The following WWP2 variants were observed in gnomAD, a reference collection of about 807,000 sequenced individuals.
WWP2 encodes the protein WW domain containing E3 ubiquitin protein ligase 2, also known as NEDD4-like E3 ubiquitin-protein ligase WWP2.
A neutral mutation model predicts 121.0 loss-of-function variants in WWP2; 57 were observed. The ratio of observed to expected loss-of-function variants is 0.47; its 90% confidence interval spans 0.38 to 0.59. The LOEUF (loss-of-function observed/expected upper bound fraction) is 0.59, where lower values mean the gene tolerates loss of function less well. Ranked by LOEUF, WWP2 falls within the 20% of genes least tolerant of loss-of-function variation. The probability of loss-of-function intolerance (pLI) is 0.00; values close to 1 mark genes in which losing one functional copy is unlikely to be tolerated. For missense variants in WWP2, 962 were observed against 1,158.9 expected (o/e 0.83, Z 2.47); for synonymous variants, 449 against 441.3 (o/e 1.02, Z -0.22).
chr16:69,781,041 G>T (rs1159921654), intron 1 of WWP2, among the ~76,000 whole-genome samples: 1 of 151,902 alleles, frequency 6.6e-6, no homozygotes, highest in African/African-American at 2.4e-5. Context: ...AAAACAGGTT[G>T]GTCCTGTGGT....
At chr16:69,770,853 CTGGGCGTGG>C in intron 1 of WWP2, among the ~76,000 whole-genome samples, 1 of 151,834 alleles carries the variant, frequency 6.6e-6, no homozygotes, top group East Asian at 1.9e-4. Context: ...TTCTGTGGGG[CTGGGCGTGG>C]TGGCTCACAC....
chr16:69,804,568 T>G (rs2056236988), intron 4 of WWP2, among the ~76,000 whole-genome samples: 2 of 152,252 alleles, frequency 1.3e-5, no homozygotes, highest in African/African-American at 4.8e-5. Flanking sequence ...CAAATCACTC[T>G]GTCTATGCTA....
chr16:69,790,442 G>A (rs1390329861), intron 2 of WWP2, among the ~76,000 whole-genome samples: 1 of 152,134 alleles, frequency 6.6e-6, no homozygotes, highest in African/African-American at 2.4e-5. Context: ...GAGTAGCTGA[G>A]GAGGAGGAGG....
intron 1 of WWP2, among the ~76,000 whole-genome samples, chr16:69,776,000 C>G (rs1394710483): frequency 6.6e-6 from 1 of 152,114 alleles, no homozygotes; most frequent in Non-Finnish European, 1.5e-5. Flanking sequence ...CCTAAAAACT[C>G]CTTCTTAAAT....
chr16:69,937,284 C>G lies in WWP2; in HGVS notation c.2238+46C>G. On this transcript the variant is annotated intron_variant, in intron 20 of 23. Transcript: ENST00000359154. This position sits in a 1 kb window ranked among gnomAD's most constrained non-coding sequence, Gnocchi z 6.6. ...GGACCCTGAGCCCCTGCCTCTGGGG[C>G]GATCCTGCTCTGTGATACGCTCACT... 6.2e-7 allele frequency: 1 copy of G among 1,605,584 alleles called. No homozygotes were observed. The highest frequency in any genetic ancestry group is 8.5e-7 in the Non-Finnish European group (1 of 1,176,246).
At chr16:69,801,526 C>T (rs986861175) in intron 4 of WWP2, among the ~76,000 whole-genome samples, 10 of 151,780 alleles carry the variant, frequency 6.6e-5, no homozygotes, top group Non-Finnish European at 1.2e-4. Context: ...CGAGCCACTG[C>T]GTCTGGCCAA....
intron 4 of WWP2, among the ~76,000 whole-genome samples, chr16:69,813,978 G>C (rs1162220431): frequency 1.3e-5 from 2 of 152,196 alleles, no homozygotes; most frequent in Admixed American, 1.3e-4. Flanking sequence ...AGCTAACCCA[G>C]TGGTTTTTGA....
At position 69,799,009 on chromosome 16, in the gene WWP2, T is replaced by A; in HGVS notation, c.219-165T>A. 1.5e-6 allele frequency: 2 copies of A among 1,326,570 alleles called. No individual in the cohort carries two copies. The highest frequency in any genetic ancestry group is 2.1e-6 in the Non-Finnish European group (2 of 975,112). 82.2% of individuals were successfully genotyped at this position (1,326,570 alleles called of 1,614,324 possible). A position where few individuals can be genotyped will look rare whatever the true frequency, so the allele number is the denominator to read the frequency against. Reference sequence around the variant, plus strand: ...TGAGCTCATAGAGCGTTCATTATTATCTAGAGGGTTACAGGGTCAGCTTTG... The same window carrying A: ...TGAGCTCATAGAGCGTTCATTATTAACTAGAGGGTTACAGGGTCAGCTTTG... On this transcript the variant is annotated intron_variant, in intron 3 of 23. Coordinates refer to ENST00000359154, the MANE Select transcript of WWP2 (RefSeq NM_001270454.2). The surrounding 1 kb of genome is among the most constrained non-coding windows in gnomAD (Gnocchi z 4.5).
intron 9 of WWP2, among the ~76,000 whole-genome samples, chr16:69,917,180 T>C (rs1267174199): frequency 1.3e-5 from 2 of 152,258 alleles, no homozygotes; most frequent in Admixed American, 1.3e-4. Flanking sequence ...ATTCTAGATA[T>C]CAATCCTGAT....
chr16:69,866,267 A>G (rs1387688457), intron 6 of WWP2, among the ~76,000 whole-genome samples: 1 of 144,052 alleles, frequency 6.9e-6, no homozygotes. Context: ...AAAAGGTTTC[A>G]CATTTTATTT....
intron 6 of WWP2, among the ~76,000 whole-genome samples, chr16:69,862,083 G>A (rs1221485726): frequency 6.6e-6 from 1 of 152,138 alleles, no homozygotes; most frequent in Non-Finnish European, 1.5e-5. Flanking sequence ...TGTTTGTTTT[G>A]AGACAGACTT....
chr16:69,815,016 T>G (rs2056462745), intron 4 of WWP2, among the ~76,000 whole-genome samples: 2 of 152,244 alleles, frequency 1.3e-5, no homozygotes, highest in Admixed American at 6.5e-5. Context: ...TTTTATTTTT[T>G]TGAGATGGAG....
At chr16:69,842,245 T>C in intron 6 of WWP2, 125 bp downstream of exon 6, 1 of 903,144 alleles carries the variant, frequency 1.1e-6, no homozygotes, top group Non-Finnish European at 1.7e-6. Flanking sequence ...ATCTTGTAAC[T>C]GACTCAGTAG....
At chr16:69,889,325 CAAAAATAAAAATTAAATCT>C (rs2151940013) in intron 8 of WWP2, among the ~76,000 whole-genome samples, 1 of 152,184 alleles carries the variant, frequency 6.6e-6, no homozygotes, top group African/African-American at 2.4e-5. Context: ...ACCCCTGTCT[CAAAAATAAAAATTAAATCT>C]GACAGCAAAG....
chr16:69,912,369 TCACACACACACACACACACACA>T (rs3051446), intron 9 of WWP2, among the ~76,000 whole-genome samples: 2 of 140,196 alleles, frequency 1.4e-5, no homozygotes, highest in Non-Finnish European at 3.1e-5. Flanking sequence ...GGAGTTAGAT[TCACACACACACACACACACACA>T]CACACACACA....
rs35485826 is a variant in WWP2, at chr16:69,899,726, CAAA to C, written c.915-9012_915-9010del. On this transcript the variant is annotated intron_variant, in intron 8 of 23. Coordinates refer to ENST00000359154, the MANE Select transcript of WWP2 (RefSeq NM_001270454.2). ...TGGGTGACAGAGTGAGACTCCGTCT[CAAA>C]AAAAAAAAAAAAAAAAAAAAAATCA... 8.7e-3 allele frequency among the ~76,000 whole-genome samples: 562 copies of C among 64,682 alleles called. 1 individual carries two copies. Among genetic ancestry groups the C allele is most frequent in the African/African-American group, 0.029 (531 of 18,494 alleles). The allele number at this position is 64,682 out of a possible 152,430, so 42.4% of individuals were successfully genotyped here.
rs549857296 is a variant in WWP2 at position 69,935,570 on chromosome 16, C to T, written c.1843-283C>T. 7.9e-5 allele frequency among the ~76,000 whole-genome samples: 12 copies of T among 152,340 alleles called. No homozygotes were observed. The highest frequency in any genetic ancestry group is 1.9e-4 in the African/African-American group (8 of 41,586). On this transcript the variant is annotated intron_variant, in intron 17 of 23. Coordinates refer to ENST00000359154, the MANE Select transcript of WWP2 (RefSeq NM_001270454.2). This position sits in a 1 kb window ranked among gnomAD's most constrained non-coding sequence, Gnocchi z 5.2. The stretch of plus-strand genomic sequence containing the variant: ...GGCCAGGAGCCAGCCGGCCAGCGTG[C>T]GGGGCAGATGCGGGCCCGGACGTGG...
intron 1 of WWP2, among the ~76,000 whole-genome samples, chr16:69,768,551 A>G (rs934999436): frequency 8.5e-5 from 13 of 152,294 alleles, no homozygotes; most frequent in Admixed American, 5.9e-4. Context: ...CGGAGGTTGC[A>G]GTGAGCCGAG....
intron 6 of WWP2, among the ~76,000 whole-genome samples, chr16:69,859,432 G>A (rs1196319740): frequency 1.3e-5 from 2 of 152,108 alleles, no homozygotes; most frequent in Admixed American, 6.5e-5. Flanking sequence ...GCGCATGCCT[G>A]TCATCCCGGT....
Sources: gnomAD v4.1 joint callset for allele counts (sites outside exome capture counted in the v4.1 genomes callset) on GRCh38, gnomAD v4.1.1 for gene constraint, Gnocchi (gnomAD v3.1) non-coding constraint, MANE v1.5 for transcripts, NCBI Gene and HGNC (gene_info 2026-07-23, HGNC 2026-07-21) for gene names.